The following FLNB variants were observed in gnomAD, a reference collection of about 807,000 sequenced individuals.
FLNB encodes filamin B.
Under a neutral mutation model 250.6 loss-of-function variants are expected in FLNB, and 111 were observed. The observed-to-expected ratio is 0.44, with a 90% confidence interval of 0.38 to 0.52. The LOEUF (loss-of-function observed/expected upper bound fraction) is 0.52, where lower values mean the gene tolerates loss of function less well. Among genes scored for constraint, FLNB ranks in the 20% least tolerant of loss-of-function variants. The probability of loss-of-function intolerance (pLI) is 0.00; values close to 1 mark genes in which losing one functional copy is unlikely to be tolerated. For synonymous variants in FLNB, 1,302 were observed against 1,372.1 expected, an observed-to-expected ratio of 0.95 and a Z score of 1.13; for missense variants, 2,869 against 3,447.8, an observed-to-expected ratio of 0.83 and a Z score of 4.20.
intron 22 of FLNB, among the ~76,000 whole-genome samples, chr3:58,124,750 T>A (rs2097294850): frequency 6.6e-6 from 1 of 152,226 alleles, no homozygotes; most frequent in Non-Finnish European, 1.5e-5. Flanking sequence ...TATGGGGTAA[T>A]GTCATGATGT....
In FLNB at chr3:58,070,815, A is replaced by G. The variant is rs940787041; in HGVS notation, c.293-6231A>G. On this transcript the variant is annotated intron_variant, in intron 1 of 45. Transcript: ENST00000295956. ...GCTGGGACTACAGGCACATGCCACC[A>G]CGCCCAGCAAATTTTTAGAAGAGAC... Among the ~76,000 whole-genome samples, 4 of 151,590 alleles carry G rather than the reference A, an allele frequency of 2.6e-5. No individual in the cohort carries two copies. The South Asian group carries it at 8.4e-4, about 32-fold the overall frequency.
In FLNB at chr3:58,097,863, G is replaced by T. The variant is rs571037720; in HGVS notation, c.1033G>T (p.Val345Leu). Residue 345 changes from valine (V) to leucine (L), a missense_variant, in exon 7 of 46, where the codon GTG (valine) becomes TTG (leucine). Val to Leu is a conservative substitution (Grantham distance 32, BLOSUM62 1). Coordinates refer to ENST00000295956, the MANE Select transcript of FLNB (RefSeq NM_001457.4). The stretch of plus-strand genomic sequence containing the variant: ...GCACATCTCCAAGAGCCCATTTGAA[G>T]TGAGTGTTGACAAGGCCCAGGGAGA... ...GQHISKSPFE[V>L]SVDKAQGDAS... 6.2e-7 allele frequency: 1 copy of T among 1,614,190 alleles called. No individual in the cohort carries two copies. The highest frequency in any genetic ancestry group is 1.3e-5 in the African/African-American group (1 of 75,058).
chr3:58,031,635 T>C (rs2097131264), intron 1 of FLNB, among the ~76,000 whole-genome samples: 1 of 146,638 alleles, frequency 6.8e-6, no homozygotes, highest in African/African-American at 2.6e-5. Flanking sequence ...CACTGCAGCT[T>C]CCACCTCCCA....
At chr3:58,015,942 T>G (rs899939857) in intron 1 of FLNB, among the ~76,000 whole-genome samples, 3 of 152,110 alleles carry the variant, frequency 2.0e-5, no homozygotes, top group Non-Finnish European at 4.4e-5. Flanking sequence ...GTGTGTCAGT[T>G]TAGAGGTCTT....
chr3:58,146,195 T>G lies in FLNB; in HGVS notation c.5554+146T>G, dbSNP rs1225766672. On this transcript the variant is annotated intron_variant, in intron 33 of 45. Coordinates refer to ENST00000295956, the MANE Select transcript of FLNB (RefSeq NM_001457.4). ...TCTCTCGTGTAAATCTGTTTCTTCT[T>G]TAGAGCCGCTTCGTCTTCTACCCAG... is the stretch of plus-strand genomic sequence containing the variant. 1.3e-5 allele frequency: 12 copies of G among 938,960 alleles called. No homozygotes were observed. The East Asian group carries it at 3.1e-4, about 25-fold the overall frequency. The allele number at this position is 938,960 out of a possible 1,614,324, so 58.2% of individuals were successfully genotyped here.
intron 1 of FLNB, among the ~76,000 whole-genome samples, chr3:58,015,507 C>T (rs1337674632): frequency 2.0e-5 from 3 of 152,164 alleles, no homozygotes; most frequent in African/African-American, 7.2e-5. Flanking sequence ...CATCTCTGAA[C>T]CAGGCCCTGT....
chr3:58,114,019 A>G (rs970998967), intron 18 of FLNB, among the ~76,000 whole-genome samples: 1 of 151,726 alleles, frequency 6.6e-6, no homozygotes, highest in East Asian at 2.0e-4. Flanking sequence ...TTTTCTTCCT[A>G]TATGTCCTCC....
chr3:58,161,551 A>T (rs888656860), intron 42 of FLNB, among the ~76,000 whole-genome samples: 3 of 152,164 alleles, frequency 2.0e-5, no homozygotes, highest in Non-Finnish European at 4.4e-5. Flanking sequence ...GATGTATGAG[A>T]TCATTAGCAT....
intron 1 of FLNB, among the ~76,000 whole-genome samples, chr3:58,056,093 A>ATTTTTTTT (rs1338835387): frequency 7.6e-6 from 1 of 131,246 alleles, no homozygotes; most frequent in Non-Finnish European, 1.5e-5. Flanking sequence ...TTATTTATTT[A>ATTTTTTTT]TTTATTTATT....
In FLNB at chr3:58,106,740, C is replaced by T. The variant is rs764538938; in HGVS notation, c.1808C>T (p.Ser603Leu). 8.7e-6 allele frequency: 14 copies of T among 1,614,054 alleles called. No homozygotes were observed. Among genetic ancestry groups the T allele is most frequent in the East Asian group, 6.7e-5 (3 of 44,896 alleles). Residue 603 changes from serine (S) to leucine (L), a missense_variant, in exon 12 of 46, where the codon TCG (serine) becomes TTG (leucine). Around this residue, in one of 5 missense-constraint regions of FLNB, gnomAD observed 1,348 missense variants for 1,466.7 expected, o/e 0.92. Coordinates refer to ENST00000295956, the MANE Select transcript of FLNB (RefSeq NM_001457.4). ...KIEYNDQNDG[S>L]CDVKYWPKEP... ...GAGTACAACGACCAGAATGATGGAT[C>T]GTGTGATGTCAAATACTGGCCCAAG...
chr3:58,030,613 C>A (rs1576607425), intron 1 of FLNB, among the ~76,000 whole-genome samples: 1 of 152,084 alleles, frequency 6.6e-6, no homozygotes, highest in South Asian at 2.1e-4. Flanking sequence ...GTGGCTCATG[C>A]CTGTAATCCC....
At chr3:58,039,139 A>G (rs1023080205) in intron 1 of FLNB, among the ~76,000 whole-genome samples, 6 of 149,816 alleles carry the variant, frequency 4.0e-5, no homozygotes, top group Admixed American at 6.7e-5. Flanking sequence ...GGAATGAACC[A>G]TTGTGCCAGG....
At chr3:58,114,746 C>A (rs1345413554) in intron 18 of FLNB, among the ~76,000 whole-genome samples, 1 of 149,152 alleles carries the variant, frequency 6.7e-6, no homozygotes, top group Non-Finnish European at 1.5e-5. Context: ...TTGATAGTGA[C>A]CATCCTGTTG....
chr3:58,093,968 T>C (rs531852106), intron 4 of FLNB, among the ~76,000 whole-genome samples: 1 of 151,740 alleles, frequency 6.6e-6, no homozygotes, highest in Admixed American at 6.6e-5. Context: ...CTAAGGAGAG[T>C]GTGGGTGTGG....
chr3:58,152,777 G>C, intron 38 of FLNB: 1 of 1,334,460 alleles, frequency 7.5e-7, no homozygotes, highest in Non-Finnish European at 9.9e-7. Flanking sequence ...ACTGGCTCTA[G>C]GTGATGGCAG....
chr3:58,089,813 T>G (rs1395834479), intron 4 of FLNB, among the ~76,000 whole-genome samples: 2 of 151,932 alleles, frequency 1.3e-5, no homozygotes, highest in Admixed American at 1.3e-4. Context: ...TGAGGTGGAG[T>G]TTTGCTCTTG....
At chr3:58,098,473 G>A (rs566681123) in intron 7 of FLNB, among the ~76,000 whole-genome samples, 1 of 152,328 alleles carries the variant, frequency 6.6e-6, no homozygotes, top group African/African-American at 2.4e-5. Context: ...TGGGATTACA[G>A]GCGTGCGCCA....
At chr3:58,058,961 T>C (rs6765354) in intron 1 of FLNB, among the ~76,000 whole-genome samples, 8,714 of 152,252 alleles carry the variant, frequency 0.057, 804 homozygotes, top group African/African-American at 0.2. Flanking sequence ...AACATTAGTC[T>C]CTTTGGAGAT....
intron 1 of FLNB, among the ~76,000 whole-genome samples, chr3:58,063,483 C>T (rs865883977): frequency 3.3e-5 from 5 of 152,166 alleles, no homozygotes; most frequent in Admixed American, 1.3e-4. Flanking sequence ...GAGCTAAAGA[C>T]AGGGCACAGG....
Sources: gnomAD v4.1 joint callset for allele counts (sites outside exome capture counted in the v4.1 genomes callset) on GRCh38, gnomAD v4.1.1 for gene constraint, gnomAD v4.1.1 regional missense constraint, MANE v1.5 for transcripts, NCBI Gene and HGNC (gene_info 2026-07-23, HGNC 2026-07-21) for gene names.